Variants in COL21A1 observed in about 807,000 individuals in gnomAD.
COL21A1 encodes collagen type XXI alpha 1 chain, also known as collagen alpha-1(XXI) chain.
Under a neutral mutation model 137.9 loss-of-function variants are expected in COL21A1, and 149 were observed. The ratio of observed to expected loss-of-function variants is 1.08; its 90% confidence interval spans 0.95 to 1.24. COL21A1 has a LOEUF of 1.24. Ranked by LOEUF, COL21A1 falls within the 50% of genes most tolerant of loss-of-function variation. COL21A1 has a pLI of 0.00. For synonymous variants in COL21A1, 456 were observed against 391.5 expected, an observed-to-expected ratio of 1.16 and a Z score of -1.95; for missense variants, 1,167 against 1,158.4, an observed-to-expected ratio of 1.01 and a Z score of -0.11.
intron 16 of COL21A1, among the ~76,000 whole-genome samples, chr6:56,109,280 AG>A (rs1326303407): frequency 2.6e-5 from 4 of 151,920 alleles, no homozygotes; most frequent in Non-Finnish European, 5.9e-5. Context: ...CCAACACAGG[AG>A]GGAAACCAGA....
At chr6:56,239,716 C>T (rs191343043) in intron 1 of COL21A1, among the ~76,000 whole-genome samples, 24 of 152,270 alleles carry the variant, frequency 1.6e-4, no homozygotes, top group African/African-American at 4.8e-4. Flanking sequence ...TTCACAGTAA[C>T]AACCATCCTC....
At chr6:56,366,702 C>T (rs1407401699) in intron 1 of COL21A1, among the ~76,000 whole-genome samples, 2 of 152,156 alleles carry the variant, frequency 1.3e-5, no homozygotes, top group African/African-American at 4.8e-5. Context: ...GAACTGCAGG[C>T]CAACACCTCT....
rs1780809309 is a variant in COL21A1, at chr6:56,221,238, A to G, written c.-39+26149T>C. On this transcript the variant is annotated intron_variant, in intron 1 of 29. Transcript: ENST00000244728. ...ATGACCAAATTTCTCTGTGGCACCAAATCCCTCTATTAGAAATCACTGATT... is the reference window on the plus strand; with the variant it reads ...ATGACCAAATTTCTCTGTGGCACCAGATCCCTCTATTAGAAATCACTGATT... Among the ~76,000 whole-genome samples, 3 of 152,092 alleles carry G rather than the reference A, an allele frequency of 2.0e-5. No homozygotes were observed. The South Asian group carries it at 6.2e-4, about 32-fold the overall frequency.
At chr6:56,318,350 G>A (rs190454762) in intron 1 of COL21A1, among the ~76,000 whole-genome samples, 3 of 152,150 alleles carry the variant, frequency 2.0e-5, no homozygotes, top group African/African-American at 7.2e-5. Flanking sequence ...AGTTAAATAT[G>A]TGTCCACTAA....
At position 56,141,813 on chromosome 6, in the gene COL21A1, T is replaced by C. The variant is rs201267383; in HGVS notation, c.1514A>G (p.Lys505Arg). 279 of 1,613,616 alleles carry C rather than the reference T, an allele frequency of 1.7e-4. No homozygotes were observed. Among genetic ancestry groups the C allele is most frequent in the Non-Finnish European group, 2.3e-4 (276 of 1,179,744 alleles). The change falls in exon 12 of 30, where the codon AAA becomes AGA. Residue 505 changes from lysine to arginine, a missense_variant. Physicochemically the swap from Lys to Arg is conservative, Grantham distance 26 (BLOSUM62 2). Coordinates refer to ENST00000244728, the MANE Select transcript of COL21A1 (RefSeq NM_030820.4). ...IQGARGLPGY[K>R]GEPGRDGDKG... is the part of the protein sequence containing the mutation. ...GTCACCATCTCGCCCTGGTTCTCCT[T>C]TGTAACCTGGTAGTCCTCGAGCTCC... is the stretch of plus-strand genomic sequence containing the variant.
At chr6:56,113,560 C>T (rs370742243) in intron 16 of COL21A1, among the ~76,000 whole-genome samples, 11 of 152,268 alleles carry the variant, frequency 7.2e-5, no homozygotes, top group South Asian at 4.2e-4. Flanking sequence ...TAACTAGCAG[C>T]GATACCTACG....
intron 21 of COL21A1, 141 bp from the exon 22 acceptor site, chr6:56,069,258 A>ATTTT: frequency 2.2e-6 from 1 of 461,138 alleles, no homozygotes; most frequent in Non-Finnish European, 3.8e-6. Context: ...AATAGTAAAG[A>ATTTT]ATAAAATGTT....
At chr6:56,357,335 C>T (rs541217433) in intron 1 of COL21A1, among the ~76,000 whole-genome samples, 14 of 152,306 alleles carry the variant, frequency 9.2e-5, no homozygotes, top group Non-Finnish European at 2.1e-4. Flanking sequence ...CAATCTACAG[C>T]ATCTTACAAT....
At chr6:56,154,547 C>T (rs1262773640) in intron 10 of COL21A1, among the ~76,000 whole-genome samples, 1 of 152,078 alleles carries the variant, frequency 6.6e-6, no homozygotes, top group Admixed American at 6.6e-5. Flanking sequence ...TTAAGAATAA[C>T]CCAGAATCTG....
intron 1 of COL21A1, among the ~76,000 whole-genome samples, chr6:56,200,703 T>C (rs951716853): frequency 6.6e-6 from 1 of 152,102 alleles, no homozygotes; most frequent in Non-Finnish European, 1.5e-5. Context: ...CAGTATATCA[T>C]TGTTGGACAT....
Position 56,312,617 on chromosome 6 carries a change from C to A in COL21A1, c.-39+81354G>T, listed in dbSNP as rs181852433. On this transcript the variant is annotated intron_variant, in intron 1 of 28. Coordinates refer to the COL21A1 transcript ENST00000370819. ...CACAATAGCCAGGAATAATATACAG[C>A]TATCAGTTTGGATACATGAATTGAA... 2.3e-4 allele frequency among the ~76,000 whole-genome samples: 35 copies of A among 152,174 alleles called. No homozygotes were observed. In the East Asian group the frequency reaches 6.6e-3, roughly 29 times the overall value.
chr6:56,174,287 C>G (rs750727379), intron 3 of COL21A1, among the ~76,000 whole-genome samples: 2 of 151,550 alleles, frequency 1.3e-5, no homozygotes, highest in Non-Finnish European at 2.9e-5. Flanking sequence ...AAAAAAAAGA[C>G]AAACTAAGCC....
chr6:56,112,322 G>A (rs1351478100), intron 16 of COL21A1, among the ~76,000 whole-genome samples: 2 of 152,144 alleles, frequency 1.3e-5, no homozygotes, highest in African/African-American at 4.8e-5. Context: ...AGATGGAGTA[G>A]AAAGCTCCAC....
chr6:56,221,976 A>C (rs1394660085), intron 1 of COL21A1, among the ~76,000 whole-genome samples: 1 of 152,098 alleles, frequency 6.6e-6, no homozygotes, highest in Admixed American at 6.6e-5. Flanking sequence ...GAGTCCATTT[A>C]AAATTGAAAG....
chr6:56,097,791 A>G (rs1339805385), intron 17 of COL21A1, among the ~76,000 whole-genome samples: 4 of 121,046 alleles, frequency 3.3e-5, no homozygotes, highest in Admixed American at 2.2e-4. Flanking sequence ...ATAAAAATAT[A>G]TATATAAATC....
intron 5 of COL21A1, among the ~76,000 whole-genome samples, chr6:56,168,545 T>C (rs985133216): frequency 2.0e-5 from 3 of 152,102 alleles, no homozygotes; most frequent in Admixed American, 1.3e-4. Flanking sequence ...CTAAAGCAAC[T>C]ACCTCAAAAT....
chr6:56,388,626 A>G (rs1179350474), intron 1 of COL21A1, among the ~76,000 whole-genome samples: 1 of 152,218 alleles, frequency 6.6e-6, no homozygotes, highest in Non-Finnish European at 1.5e-5. Flanking sequence ...GGCTTAAATC[A>G]CAACACTCAA....
intron 2 of COL21A1, among the ~76,000 whole-genome samples, chr6:56,180,465 T>C (rs967504565): frequency 6.6e-6 from 1 of 152,170 alleles, no homozygotes. Flanking sequence ...TTTCTAAAGG[T>C]CTGATGTCTC....
At chr6:56,175,467 A>G (rs1012153161) in intron 3 of COL21A1, among the ~76,000 whole-genome samples, 3 of 152,130 alleles carry the variant, frequency 2.0e-5, no homozygotes, top group Non-Finnish European at 2.9e-5. Flanking sequence ...CAAATTCAAC[A>G]TATAAAAATC....
Sources: gnomAD v4.1 joint callset for allele counts (sites outside exome capture counted in the v4.1 genomes callset) on GRCh38, gnomAD v4.1.1 for gene constraint, MANE v1.5 for transcripts, NCBI Gene and HGNC (gene_info 2026-07-23, HGNC 2026-07-21) for gene names.